The following KPLCE variants were observed in gnomAD, a reference collection of about 807,000 sequenced individuals.
The protein encoded by KPLCE is KPRP N-terminal and LCE C-terminal like protein.
the KPLCE span, chr1:152,719,935 T>C: frequency 3.2e-6 from 5 of 1,552,172 alleles, no homozygotes; most frequent in Non-Finnish European, 4.4e-6. Context: ...AGGGTGCTTC[T>C]CCTTGCCAGA....
At chr1:152,720,022 C>T in the KPLCE span, 1 of 1,551,776 alleles carries the variant, frequency 6.4e-7, no homozygotes, top group Non-Finnish European at 8.7e-7. Flanking sequence ...CTCCCTGTTC[C>T]ACCAGCTACT....
the KPLCE span, chr1:152,719,867 T>C: frequency 6.4e-7 from 1 of 1,552,154 alleles, no homozygotes; most frequent in Non-Finnish European, 8.7e-7. Flanking sequence ...CCCAGCTCCC[T>C]GCCAGATGAC....
chr1:152,719,713 T>C, the KPLCE span: 6 of 1,552,140 alleles, frequency 3.9e-6, no homozygotes, highest in Non-Finnish European at 5.2e-6. Context: ...CATGCCAGAC[T>C]CAAACCTACG....
At chr1:152,720,312 T>C in the KPLCE span, 1 of 1,462,212 alleles carries the variant, frequency 6.8e-7, no homozygotes, top group South Asian at 1.4e-5. Flanking sequence ...ACTGCCCCGC[T>C]ACCCCTTCTG....
chr1:152,719,709 A>T, the KPLCE span: 1 of 1,552,246 alleles, frequency 6.4e-7, no homozygotes, highest in Non-Finnish European at 8.7e-7. Flanking sequence ...GTTCCATGCC[A>T]GACTCAAACC....
At chr1:152,720,448 G>GTACTAACT in the KPLCE span, 1 of 596,618 alleles carries the variant, frequency 1.7e-6, no homozygotes, top group East Asian at 2.8e-5. Flanking sequence ...CCCAAACTTT[G>GTACTAACT]GCATGAATAA....
the KPLCE span, chr1:152,719,819 G>A: frequency 3.2e-5 from 49 of 1,550,938 alleles, no homozygotes; most frequent in South Asian, 5.1e-4. Context: ...GACAACCTAT[G>A]TAAAATGCCC....
the KPLCE span, chr1:152,719,735 G>T: frequency 1.3e-6 from 2 of 1,552,048 alleles, no homozygotes; most frequent in Admixed American, 2.0e-5. Flanking sequence ...GAAGTGCCCA[G>T]CTCCCTGCCA....
the KPLCE span, chr1:152,719,902 C>T: frequency 6.4e-7 from 1 of 1,552,266 alleles, no homozygotes; most frequent in African/African-American, 1.4e-5. Flanking sequence ...CAGCTCCCTG[C>T]CAGACCCAGA....
chr1:152,719,559 C>G, the KPLCE span: 1 of 1,551,792 alleles, frequency 6.4e-7, no homozygotes, highest in Non-Finnish European at 8.7e-7. Context: ...TTCCCTCCAT[C>G]TTGTGTGAAA....
the KPLCE span, chr1:152,719,881 C>T: frequency 4.5e-6 from 7 of 1,552,076 alleles, no homozygotes; most frequent in Admixed American, 1.2e-4. Flanking sequence ...AGATGACCTA[C>T]ATCAAAAGTC....
the KPLCE span, chr1:152,720,413 G>A: frequency 6.9e-6 from 5 of 726,562 alleles, no homozygotes; most frequent in Non-Finnish European, 9.1e-6. Context: ...CTCTACCAAG[G>A]CAGCCTGCCA....
the KPLCE span, chr1:152,719,991 G>C: frequency 1.9e-6 from 3 of 1,551,810 alleles, no homozygotes; most frequent in East Asian, 2.4e-5. Flanking sequence ...TCCCAGTACT[G>C]TGTCACTGAC....
chr1:152,719,986 G>T, the KPLCE span: 1 of 1,551,832 alleles, frequency 6.4e-7, no homozygotes, highest in South Asian at 1.2e-5. Context: ...CAACCTCCCA[G>T]TACTGTGTCA....
the KPLCE span, chr1:152,720,332 C>T: frequency 7.3e-7 from 1 of 1,364,716 alleles, no homozygotes; most frequent in African/African-American, 1.5e-5. Context: ...GGAACATGCA[C>T]CAGCTTCTGG....
chr1:152,720,257 G>A, the KPLCE span: 1 of 1,547,348 alleles, frequency 6.5e-7, no homozygotes, highest in Non-Finnish European at 8.7e-7. Context: ...TGACCATGAG[G>A]ATGACTGCTG....
the KPLCE span, chr1:152,720,258 A>G: frequency 2.6e-6 from 4 of 1,547,214 alleles, no homozygotes; most frequent in Non-Finnish European, 3.5e-6. Flanking sequence ...GACCATGAGG[A>G]TGACTGCTGC....
the KPLCE span, chr1:152,719,707 C>T: frequency 6.4e-7 from 1 of 1,552,126 alleles, no homozygotes; most frequent in African/African-American, 1.4e-5. Flanking sequence ...AAGTTCCATG[C>T]CAGACTCAAA....
chr1:152,719,966 G>C, the KPLCE span: 1 of 1,551,922 alleles, frequency 6.4e-7, no homozygotes. Context: ...TCAAGCTCCT[G>C]CAAGTGGCTC....
Sources: gnomAD v4.1 joint callset for allele counts on GRCh38, gnomAD v4.1.1 for gene constraint, MANE v1.5 for transcripts, NCBI Gene and HGNC (gene_info 2026-07-23, HGNC 2026-07-21) for gene names.